PVT1: variants seen among roughly 807,000 people sequenced by gnomAD.
The protein encoded by PVT1 is CXCR4/PVT1 fusion.
intron 4 of PVT1, among the ~76,000 whole-genome samples, chr8:128,003,137 G>A (rs1817203143): frequency 7.0e-6 from 1 of 142,536 alleles, no homozygotes; most frequent in African/African-American, 2.6e-5. Context: ...GAGTAGCTGG[G>A]ACTACAGGCA....
chr8:127,869,882 C>A (rs1815332395), intron 2 of PVT1, among the ~76,000 whole-genome samples: 1 of 152,198 alleles, frequency 6.6e-6, no homozygotes, highest in African/African-American at 2.4e-5. Flanking sequence ...CGGCTTACTG[C>A]AACCTCTGCC....
chr8:127,989,823 G>A (rs1817010710), intron 4 of PVT1, among the ~76,000 whole-genome samples: 1 of 152,058 alleles, frequency 6.6e-6, no homozygotes. Context: ...GTAGACTTGG[G>A]TTTTCTTGGT....
intron 3 of PVT1, among the ~76,000 whole-genome samples, chr8:127,892,161 TCAGACAGGCTTCC>T (rs1653172797): frequency 6.6e-6 from 1 of 152,216 alleles, no homozygotes; most frequent in African/African-American, 2.4e-5. Context: ...CAGCACTTTC[TCAGACAGGCTTCC>T]CTGACCTCCT....
intron 4 of PVT1, among the ~76,000 whole-genome samples, chr8:127,997,044 G>GTTTTTTTTTTTTTTTTTTTTT (rs1293036762): frequency 3.7e-5 from 3 of 81,594 alleles, no homozygotes; most frequent in Non-Finnish European, 2.2e-5. Flanking sequence ...ATTTGCTTTC[G>GTTTTTTTTTTTTTTTTTTTTT]TTTTTTTTTT....
At chr8:128,051,851 T>C (rs912121468) in intron 4 of PVT1, among the ~76,000 whole-genome samples, 5 of 152,214 alleles carry the variant, frequency 3.3e-5, no homozygotes, top group Non-Finnish European at 7.3e-5. Context: ...TTTCTGATTT[T>C]GTTGTTTATG....
chr8:128,078,524 C>T (rs770293212), intron 5 of PVT1, among the ~76,000 whole-genome samples: 3 of 150,194 alleles, frequency 2.0e-5, no homozygotes, highest in Non-Finnish European at 4.4e-5. Context: ...GTGGCTTCCA[C>T]GTAGTCAGTT....
At chr8:128,064,776 G>C (rs1182660190) in intron 4 of PVT1, among the ~76,000 whole-genome samples, 1 of 152,226 alleles carries the variant, frequency 6.6e-6, no homozygotes, top group Non-Finnish European at 1.5e-5. Context: ...TAGTTATACT[G>C]TATGTTTTAT....
At chr8:127,872,842 T>A (rs1815367364) in intron 2 of PVT1, among the ~76,000 whole-genome samples, 1 of 152,238 alleles carries the variant, frequency 6.6e-6, no homozygotes, top group South Asian at 2.1e-4. Flanking sequence ...ATGTCCACAG[T>A]GGTCCCTGGT....
chr8:128,040,620 C>A (rs951660884), intron 4 of PVT1, among the ~76,000 whole-genome samples: 4 of 152,148 alleles, frequency 2.6e-5, no homozygotes, highest in African/African-American at 9.7e-5. Flanking sequence ...TAAATATGAG[C>A]GTGATCATCA....
At chr8:127,894,185 C>T (rs1456786678) in intron 3 of PVT1, among the ~76,000 whole-genome samples, 3 of 152,288 alleles carry the variant, frequency 2.0e-5, no homozygotes, top group Middle Eastern at 3.4e-3. Flanking sequence ...GACATCCTGG[C>T]CAGGTTCCTG....
chr8:127,936,359 T>C (rs1043836760), intron 3 of PVT1, among the ~76,000 whole-genome samples: 7 of 152,128 alleles, frequency 4.6e-5, no homozygotes, highest in Non-Finnish European at 8.8e-5. Flanking sequence ...GTCGACAGTG[T>C]CTTCTCTAAG....
At chr8:127,954,622 G>C (rs1816547378) in intron 3 of PVT1, among the ~76,000 whole-genome samples, 1 of 152,164 alleles carries the variant, frequency 6.6e-6, no homozygotes, top group South Asian at 2.1e-4. Flanking sequence ...CTGTGGGTGT[G>C]GTTCAGCGCC....
chr8:128,046,370 C>T (rs1054581368), intron 4 of PVT1, among the ~76,000 whole-genome samples: 2 of 152,226 alleles, frequency 1.3e-5, no homozygotes, highest in Non-Finnish European at 2.9e-5. Context: ...CGGGGTCGGT[C>T]AGTAACTTGT....
intron 2 of PVT1, among the ~76,000 whole-genome samples, chr8:127,796,877 CTTTTTTTTTTT>C (rs34435526): frequency 8.3e-6 from 1 of 121,122 alleles, no homozygotes; most frequent in African/African-American, 3.1e-5. Context: ...TCTTGTTTTG[CTTTTTTTTTTT>C]TTTTTTTGAG....
At chr8:127,865,736 T>C (rs1815279877) in intron 2 of PVT1, among the ~76,000 whole-genome samples, 1 of 152,206 alleles carries the variant, frequency 6.6e-6, no homozygotes, top group African/African-American at 2.4e-5. Flanking sequence ...TGTGGGTGGA[T>C]TTAAGCCTCT....
chr8:127,885,438 G>C (rs1815512293), intron 2 of PVT1, among the ~76,000 whole-genome samples: 1 of 152,196 alleles, frequency 6.6e-6, no homozygotes. Flanking sequence ...CCAAGATTAA[G>C]GCTCAGACAT....
intron 4 of PVT1, chr8:128,010,421 T>C (rs539945770): frequency 2.0e-5 from 3 of 152,330 alleles, no homozygotes; most frequent in South Asian, 2.1e-4. Context: ...ATTTAACCTG[T>C]CATCAAGACC....
intron 4 of PVT1, among the ~76,000 whole-genome samples, chr8:128,032,007 G>A (rs931431388): frequency 2.6e-5 from 4 of 152,224 alleles, no homozygotes; most frequent in African/African-American, 7.2e-5. Context: ...AGCGATGGCG[G>A]TGGTGAAAGA....
chr8:127,887,952 T>TTC, intron 2 of PVT1, among the ~76,000 whole-genome samples: 1 of 138,798 alleles, frequency 7.2e-6, no homozygotes, highest in African/African-American at 2.7e-5. Flanking sequence ...TTTTTTTTTT[T>TTC]TTTTTTGAGA....
Sources: gnomAD v4.1 joint callset for allele counts (sites outside exome capture counted in the v4.1 genomes callset) on GRCh38, gnomAD v4.1.1 for gene constraint, MANE v1.5 for transcripts, NCBI Gene and HGNC (gene_info 2026-07-23, HGNC 2026-07-21) for gene names.